Variants in NALF1 observed in about 807,000 individuals in gnomAD.
NALF1 encodes the protein NALCN channel auxiliary factor 1, also known as family with sequence similarity 155 member A.
NALF1 carries 3 observed loss-of-function variants against 48.4 expected under a neutral mutation model. The observed-to-expected ratio is 0.06, with a 90% confidence interval of 0.03 to 0.16. The LOEUF (loss-of-function observed/expected upper bound fraction) is 0.16, where lower values mean the gene tolerates loss of function less well. Among genes scored for constraint, NALF1 ranks in the 10% least tolerant of loss-of-function variants. The pLI is 1.00. For missense variants in NALF1, 526 were observed against 571.5 expected (o/e 0.92, Z 0.81); for synonymous variants, 262 against 245.7 (o/e 1.07, Z -0.62).
At chr13:107,178,807 T>C (rs528518627) in intron 2 of NALF1, among the ~76,000 whole-genome samples, 1 of 151,896 alleles carries the variant, frequency 6.6e-6, no homozygotes, top group African/African-American at 2.4e-5. Flanking sequence ...TAGCCGGGCG[T>C]GGTGGCGGGT....
At chr13:107,219,637 G>A (rs1170622966) in intron 1 of NALF1, among the ~76,000 whole-genome samples, 3 of 152,174 alleles carry the variant, frequency 2.0e-5, no homozygotes, top group Admixed American at 6.5e-5. Context: ...ATAAATGAAT[G>A]TTATCTTCCA....
rs1432237561 is a variant in NALF1, at chr13:107,536,064, A to G, written c.916-325309T>C. Among the ~76,000 whole-genome samples the G allele has an allele frequency of 2.6e-5, 4 of 152,218 alleles. No homozygotes were observed. In the East Asian group the frequency reaches 7.7e-4, roughly 29 times the overall value. On this transcript the variant is annotated intron_variant, in intron 1 of 2. Coordinates refer to ENST00000375915, the MANE Select transcript of NALF1 (RefSeq NM_001080396.3). The stretch of plus-strand genomic sequence containing the variant: ...ACTGGATCCCTACCTTACACCTTAT[A>G]CAAAAATGAATTCAAGATGGATTAA...
chr13:107,522,946 C>T (rs1409973596), intron 1 of NALF1, among the ~76,000 whole-genome samples: 2 of 151,870 alleles, frequency 1.3e-5, no homozygotes, highest in African/African-American at 4.8e-5. Flanking sequence ...GGAAGTTCTG[C>T]AAAAATGACA....
chr13:107,487,992 A>G (rs1885356397), intron 1 of NALF1, among the ~76,000 whole-genome samples: 1 of 151,406 alleles, frequency 6.6e-6, no homozygotes, highest in African/African-American at 2.4e-5. Context: ...TTTCTAGTCC[A>G]GTCTTGAGAG....
chr13:107,784,871 AC>A (rs1878023334), intron 1 of NALF1, among the ~76,000 whole-genome samples: 1 of 152,172 alleles, frequency 6.6e-6, no homozygotes, highest in Non-Finnish European at 1.5e-5. Flanking sequence ...AAGTAGAACT[AC>A]CATTTGATCC....
chr13:107,457,519 A>T (rs982371763), intron 1 of NALF1, among the ~76,000 whole-genome samples: 1 of 152,226 alleles, frequency 6.6e-6, no homozygotes, highest in Admixed American at 6.5e-5. Flanking sequence ...GGCTTAGAAC[A>T]TTTACTAGAA....
intron 1 of NALF1, among the ~76,000 whole-genome samples, chr13:107,790,306 G>C (rs1235221906): frequency 6.6e-6 from 1 of 152,086 alleles, no homozygotes; most frequent in Non-Finnish European, 1.5e-5. Context: ...GAATAATACA[G>C]TACAAAGAAT....
At chr13:107,597,278 A>G (rs1250985257) in intron 1 of NALF1, among the ~76,000 whole-genome samples, 1 of 152,152 alleles carries the variant, frequency 6.6e-6, no homozygotes, top group Non-Finnish European at 1.5e-5. Flanking sequence ...ACATACACAC[A>G]CACACAAATG....
intron 1 of NALF1, among the ~76,000 whole-genome samples, chr13:107,274,458 A>G (rs1364144654): frequency 6.6e-6 from 1 of 152,140 alleles, no homozygotes; most frequent in Non-Finnish European, 1.5e-5. Flanking sequence ...ACTCCATGGG[A>G]AGTTCAGGCA....
rs182711818 is a variant in NALF1, at chr13:107,457,677, T to C, written c.916-246922A>G. Among the ~76,000 whole-genome samples, 866 of 144,490 alleles carry C rather than the reference T, an allele frequency of 6.0e-3. 7 individuals carry two copies. Among genetic ancestry groups the C allele is most frequent in the African/African-American group, 0.022 (816 of 37,404 alleles). 94.8% of individuals were successfully genotyped at this position (144,490 alleles called of 152,430 possible). A position where few individuals can be genotyped will look rare whatever the true frequency, so the allele number is the denominator to read the frequency against. On this transcript the variant is annotated intron_variant, in intron 1 of 2. Transcript: ENST00000375915. The stretch of plus-strand genomic sequence containing the variant: ...TTATTGATGAAGGCTAAATGGCCAA[T>C]TGAAGACAAACACATGGAAATTAAA...
At chr13:107,553,964 A>G (rs1004011210) in intron 1 of NALF1, among the ~76,000 whole-genome samples, 2 of 152,220 alleles carry the variant, frequency 1.3e-5, no homozygotes, top group African/African-American at 2.4e-5. Flanking sequence ...ACAGCCAGAG[A>G]GTCATCAGTC....
intron 1 of NALF1, among the ~76,000 whole-genome samples, chr13:107,580,587 A>G (rs1025085713): frequency 6.6e-6 from 1 of 152,098 alleles, no homozygotes; most frequent in African/African-American, 2.4e-5. Flanking sequence ...TATTTTCGGT[A>G]TGTCAGATTT....
chr13:107,788,684 G>A (rs1285607351), intron 1 of NALF1: 2 of 152,184 alleles, frequency 1.3e-5, no homozygotes, highest in Non-Finnish European at 2.9e-5. Context: ...TGCAGGGCAA[G>A]CTCCAGAATG....
intron 1 of NALF1, among the ~76,000 whole-genome samples, chr13:107,817,457 A>G (rs952296148): frequency 2.0e-5 from 3 of 152,192 alleles, no homozygotes; most frequent in Non-Finnish European, 1.5e-5. Flanking sequence ...ACATACTGTG[A>G]TATCTTCAGA....
In NALF1 at chr13:107,170,640, G is replaced by C; in HGVS notation, c.1234C>G (p.Leu412Val). 1 of 1,614,208 alleles carries C rather than the reference G, an allele frequency of 6.2e-7. No homozygotes were observed. The highest frequency in any genetic ancestry group is 1.3e-5 in the African/African-American group (1 of 75,044). Residue 412 changes from leucine to valine, a missense_variant, in exon 3 of 3, where the codon CTG becomes GTG. Physicochemically the swap from Leu to Val is conservative, Grantham distance 32. Around this residue, in one of 2 missense-constraint regions of NALF1, gnomAD observed 153 missense variants for 215.9 expected, o/e 0.71. Transcript: ENST00000375915. ...CACAGCTTGAGTCTGCTGTTGCACAGTCTTGTTGCTGATGACACTGTGAGC... is the reference window on the plus strand; with the variant it reads ...CACAGCTTGAGTCTGCTGTTGCACACTCTTGTTGCTGATGACACTGTGAGC... ...TSLTVSSATR[L>V]CNSRLKLCVL...
intron 1 of NALF1, among the ~76,000 whole-genome samples, chr13:107,558,869 C>A (rs1055951857): frequency 6.6e-6 from 1 of 152,038 alleles, no homozygotes; most frequent in African/African-American, 2.4e-5. Context: ...GCTGGGACAT[C>A]CATCTTTCCT....
intron 1 of NALF1, among the ~76,000 whole-genome samples, chr13:107,735,328 G>A (rs1276751141): frequency 6.6e-6 from 1 of 152,300 alleles, no homozygotes; most frequent in East Asian, 1.9e-4. Flanking sequence ...CCAAATTCCA[G>A]GTGATCAGGA....
intron 1 of NALF1, among the ~76,000 whole-genome samples, chr13:107,701,229 C>A (rs1233917418): frequency 6.6e-6 from 1 of 152,128 alleles, no homozygotes; most frequent in South Asian, 2.1e-4. Flanking sequence ...AATATGGAAA[C>A]AACCTCAAGA....
chr13:107,765,857 A>G (rs1475820986), intron 1 of NALF1, among the ~76,000 whole-genome samples: 3 of 152,166 alleles, frequency 2.0e-5, no homozygotes, highest in Non-Finnish European at 4.4e-5. Flanking sequence ...GAAAACGCCT[A>G]CTATTAAACT....
Sources: gnomAD v4.1 joint callset for allele counts (sites outside exome capture counted in the v4.1 genomes callset) on GRCh38, gnomAD v4.1.1 for gene constraint, gnomAD v4.1.1 regional missense constraint, MANE v1.5 for transcripts, NCBI Gene and HGNC (gene_info 2026-07-23, HGNC 2026-07-21) for gene names.